Variants in CLASP1 observed in about 807,000 individuals in gnomAD.
The protein encoded by CLASP1 is CLIP-associating protein 1.
A neutral mutation model predicts 192.3 loss-of-function variants in CLASP1; 38 were observed. That is an observed-to-expected ratio of 0.20 (90% confidence interval 0.15 to 0.26). The LOEUF (loss-of-function observed/expected upper bound fraction) is 0.26, where lower values mean the gene tolerates loss of function less well. Among genes scored for constraint, CLASP1 ranks in the 10% least tolerant of loss-of-function variants. The pLI, the probability that CLASP1 is intolerant of heterozygous loss-of-function variation, is 1.00. For synonymous variants in CLASP1, 691 were observed against 712.8 expected (o/e 0.97, Z 0.49); for missense variants, 1,433 against 1,932.5 (o/e 0.74, Z 4.85).
chr2:121,343,096 A>G (rs1477745058), intron 39 of CLASP1, among the ~76,000 whole-genome samples: 1 of 152,178 alleles, frequency 6.6e-6, no homozygotes, highest in Non-Finnish European at 1.5e-5. Context: ...TTTAATAGGG[A>G]AAGGATCATC....
At chr2:121,617,842 G>T (rs2066713032) in intron 1 of CLASP1, among the ~76,000 whole-genome samples, 1 of 152,078 alleles carries the variant, frequency 6.6e-6, no homozygotes, top group Non-Finnish European at 1.5e-5. Flanking sequence ...CTTATAAACT[G>T]ATGTCTCCCA....
intron 14 of CLASP1, among the ~76,000 whole-genome samples, chr2:121,455,993 T>C (rs1020086279): frequency 3.3e-5 from 5 of 152,262 alleles, no homozygotes; most frequent in Non-Finnish European, 5.9e-5. Context: ...AAGAGATCGA[T>C]TGCACATCAT....
At chr2:121,493,258 C>T (rs2150165505) in intron 8 of CLASP1, among the ~76,000 whole-genome samples, 1 of 152,264 alleles carries the variant, frequency 6.6e-6, no homozygotes, top group Admixed American at 6.5e-5. Flanking sequence ...ACTACCATTG[C>T]TGTTTTTGTG....
intron 2 of CLASP1, among the ~76,000 whole-genome samples, chr2:121,550,500 G>A (rs375716025): frequency 1.3e-5 from 2 of 151,944 alleles, no homozygotes; most frequent in African/African-American, 4.8e-5. Context: ...CTGCTAGCTA[G>A]ACTAACAAAG....
At chr2:121,456,203 A>G (rs1218651571) in intron 14 of CLASP1, among the ~76,000 whole-genome samples, 1 of 151,964 alleles carries the variant, frequency 6.6e-6, no homozygotes, top group Non-Finnish European at 1.5e-5. Context: ...TTTACTTGCC[A>G]ATTAAAAAAA....
At chr2:121,546,210 T>A (rs1444895525) in intron 2 of CLASP1, among the ~76,000 whole-genome samples, 1 of 152,056 alleles carries the variant, frequency 6.6e-6, no homozygotes, top group African/African-American at 2.4e-5. Flanking sequence ...AAAATTCAGT[T>A]ACATTGGAAA....
rs561376540 is a variant in CLASP1 at position 121,406,662 on chromosome 2, T to C, written c.2669+809A>G. ...CTAGAGGGCAGTGGTGTAATCATAATGCACTGCAATCTCCAACTCTGGGCT... is the reference window on the plus strand; with the variant it reads ...CTAGAGGGCAGTGGTGTAATCATAACGCACTGCAATCTCCAACTCTGGGCT... On this transcript the variant is annotated intron_variant, in intron 25 of 39. Transcript: ENST00000263710. 8.9e-4 allele frequency among the ~76,000 whole-genome samples: 135 copies of C among 152,278 alleles called. 1 individual carries two copies. In the South Asian group the frequency reaches 0.025, roughly 28 times the overall value.
rs1559370315 is a variant in CLASP1 at position 121,478,991 on chromosome 2, C to CCCACACACACA, written c.713-9042_713-9032dup. On this transcript the variant is annotated intron_variant, in intron 8 of 39. Coordinates refer to ENST00000263710, the Ensembl canonical transcript of CLASP1. The stretch of plus-strand genomic sequence containing the variant: ...CACACACCACACACACACCACACAC[C>CCCACACACACA]CCACACACACACCACACACACACAC... Among the ~76,000 whole-genome samples the CCCACACACACA allele has an allele frequency of 7.6e-4, 41 of 53,936 alleles. 1 individual carries two copies. The highest frequency in any genetic ancestry group is 3.7e-3 in the African/African-American group (40 of 10,792). 35.4% of individuals were successfully genotyped at this position (53,936 alleles called of 152,430 possible).
At chr2:121,491,712 G>A (rs759537919) in intron 8 of CLASP1, among the ~76,000 whole-genome samples, 4 of 152,148 alleles carry the variant, frequency 2.6e-5, no homozygotes, top group African/African-American at 9.7e-5. Context: ...ATTCAAAGCC[G>A]AAAGGCCTTC....
intron 2 of CLASP1, among the ~76,000 whole-genome samples, chr2:121,597,869 C>A (rs910489954): frequency 1.9e-4 from 29 of 151,152 alleles, no homozygotes; most frequent in South Asian, 4.2e-4. Flanking sequence ...TAGCATAAGT[C>A]CCCCCCCAAT....
chr2:121,415,048 G>A (rs752365320), intron 23 of CLASP1, among the ~76,000 whole-genome samples: 1 of 152,064 alleles, frequency 6.6e-6, no homozygotes, highest in African/African-American at 2.4e-5. Flanking sequence ...CCAAAGTGCC[G>A]GGATTACAGG....
At chr2:121,595,247 G>C (rs1212722998) in intron 2 of CLASP1, among the ~76,000 whole-genome samples, 1 of 152,060 alleles carries the variant, frequency 6.6e-6, no homozygotes, top group East Asian at 1.9e-4. Flanking sequence ...ATGTAACCTC[G>C]GGCAAGTTTC....
At chr2:121,363,125 C>A (rs1364024365) in intron 37 of CLASP1, 47 bp downstream of exon 38, 1 of 1,609,070 alleles carries the variant, frequency 6.2e-7, no homozygotes, top group Non-Finnish European at 8.5e-7. Flanking sequence ...CCAAACTGCT[C>A]CTCATGACCC....
At chr2:121,426,391 G>A (rs1005800152) in intron 21 of CLASP1, among the ~76,000 whole-genome samples, 15 of 151,996 alleles carry the variant, frequency 9.9e-5, no homozygotes, top group Admixed American at 1.3e-4. Context: ...ACTAAAAAAT[G>A]ATAAAAGTAC....
At chr2:121,377,028 T>G (rs896555030) in intron 34 of CLASP1, among the ~76,000 whole-genome samples, 3 of 152,188 alleles carry the variant, frequency 2.0e-5, no homozygotes, top group Non-Finnish European at 2.9e-5. Flanking sequence ...AAGTACACAA[T>G]AAACGTAATG....
intron 31 of CLASP1, 81 bp downstream of exon 32, chr2:121,387,682 T>A (rs1221870847): frequency 7.3e-7 from 1 of 1,361,948 alleles, no homozygotes; most frequent in Non-Finnish European, 1.0e-6. Context: ...AACGGGGTAT[T>A]CTATTAGAGT....
At chr2:121,615,778 T>C (rs1420690542) in intron 1 of CLASP1, among the ~76,000 whole-genome samples, 1 of 151,766 alleles carries the variant, frequency 6.6e-6, no homozygotes, top group African/African-American at 2.4e-5. Flanking sequence ...AGCAAGACTC[T>C]GTCTCAAAAA....
intron 34 of CLASP1, among the ~76,000 whole-genome samples, chr2:121,371,806 C>T (rs1455181915): frequency 6.6e-6 from 1 of 152,212 alleles, no homozygotes; most frequent in Non-Finnish European, 1.5e-5. Context: ...CATCTGCTCT[C>T]CTCCACTGTG....
At chr2:121,492,350 G>T (rs1394228639) in intron 8 of CLASP1, among the ~76,000 whole-genome samples, 1 of 129,544 alleles carries the variant, frequency 7.7e-6, no homozygotes, top group African/African-American at 3.0e-5. Flanking sequence ...GGTCGCACCA[G>T]TGTACTCCAG....
Sources: gnomAD v4.1 joint callset for allele counts (sites outside exome capture counted in the v4.1 genomes callset) on GRCh38, gnomAD v4.1.1 for gene constraint, MANE v1.5 for transcripts, NCBI Gene and HGNC (gene_info 2026-07-23, HGNC 2026-07-21) for gene names.